SEMA5A: variants seen among roughly 807,000 people sequenced by gnomAD.
SEMA5A encodes semaphorin-5A.
In SEMA5A, 55 loss-of-function variants were observed where a neutral mutation model predicts 135.5. The observed-to-expected ratio is 0.41, with a 90% CI of 0.33 to 0.51. The LOEUF (loss-of-function observed/expected upper bound fraction) is 0.51, where lower values mean the gene tolerates loss of function less well. Ranked by LOEUF, SEMA5A falls within the 20% of genes least tolerant of loss-of-function variation. The pLI, the probability that SEMA5A is intolerant of heterozygous loss-of-function variation, is 0.37. For missense variants in SEMA5A, 1,290 were observed against 1,419.9 expected (o/e 0.91, Z 1.47); for synonymous variants, 580 against 546.5 (o/e 1.06, Z -0.85).
chr5:9,288,377 C>T (rs905926073), intron 5 of SEMA5A, among the ~76,000 whole-genome samples: 2 of 152,300 alleles, frequency 1.3e-5, no homozygotes, highest in African/African-American at 4.8e-5. Context: ...AACCCAGTGG[C>T]AGCCAGTGGT....
intron 2 of SEMA5A, chr5:9,422,567 G>A (rs981452929): frequency 3.3e-5 from 5 of 152,088 alleles, no homozygotes; most frequent in Admixed American, 6.5e-5. Flanking sequence ...AAAGGCTAAC[G>A]GAATGCAGTC....
rs182554959 is a variant in SEMA5A at position 9,403,508 on chromosome 5, G to A, written c.-77-23485C>T. Among the ~76,000 whole-genome samples, 269 of 152,234 alleles carry A rather than the reference G, an allele frequency of 1.8e-3. 1 individual carries two copies. The highest frequency in any genetic ancestry group is 6.2e-3 in the African/African-American group (257 of 41,540). On this transcript the variant is annotated intron_variant, in intron 2 of 22. Coordinates refer to ENST00000382496, the MANE Select transcript of SEMA5A (RefSeq NM_003966.3). Reference sequence around the variant, plus strand: ...TCACCTCACTAACATTCAGCTGCTCGTTACAACACTAGCATATTAATTGTA... The same window carrying A: ...TCACCTCACTAACATTCAGCTGCTCATTACAACACTAGCATATTAATTGTA...
At chr5:9,307,816 G>A (rs1379267100) in intron 5 of SEMA5A, among the ~76,000 whole-genome samples, 2 of 152,120 alleles carry the variant, frequency 1.3e-5, no homozygotes, top group Non-Finnish European at 2.9e-5. Context: ...TTATCTAGCA[G>A]CTTGTGATTG....
intron 3 of SEMA5A, among the ~76,000 whole-genome samples, chr5:9,371,054 C>T (rs1471666939): frequency 6.6e-6 from 1 of 152,104 alleles, no homozygotes; most frequent in African/African-American, 2.4e-5. Context: ...AGTAACTTTA[C>T]AAATCCTTAT....
At chr5:9,220,252 G>C (rs1746860574) in intron 8 of SEMA5A, among the ~76,000 whole-genome samples, 1 of 152,128 alleles carries the variant, frequency 6.6e-6, no homozygotes, top group African/African-American at 2.4e-5. Context: ...ACAGGGTACG[G>C]TGTACACTGT....
At chr5:9,154,091 A>ATGTG (rs1314653012) in intron 12 of SEMA5A, among the ~76,000 whole-genome samples, 886 of 80,054 alleles carry the variant, frequency 0.011, 10 homozygotes, top group African/African-American at 0.014. Flanking sequence ...ATATATATAT[A>ATGTG]TATGTGTGTG....
intron 1 of SEMA5A, chr5:9,517,822 T>C (rs1275974656): frequency 6.6e-6 from 1 of 152,160 alleles, no homozygotes; most frequent in Non-Finnish European, 1.5e-5. Flanking sequence ...TGCTTTCCTG[T>C]AATCATAGTG....
intron 11 of SEMA5A, among the ~76,000 whole-genome samples, chr5:9,163,933 G>C (rs1368415348): frequency 1.3e-5 from 2 of 149,232 alleles, no homozygotes; most frequent in Non-Finnish European, 3.0e-5. Context: ...AAGCTGCTCA[G>C]TCTATGGTAC....
chr5:9,133,537 T>C (rs78672395), intron 13 of SEMA5A, among the ~76,000 whole-genome samples: 1 of 152,188 alleles, frequency 6.6e-6, no homozygotes, highest in Non-Finnish European at 1.5e-5. Flanking sequence ...AAGCAGACCT[T>C]GTAATGAGTG....
chr5:9,437,057 T>G (rs1758058611), intron 2 of SEMA5A, among the ~76,000 whole-genome samples: 1 of 152,114 alleles, frequency 6.6e-6, no homozygotes, highest in Non-Finnish European at 1.5e-5. Flanking sequence ...GGTTTAGGGC[T>G]TACCCAGCAG....
intron 5 of SEMA5A, among the ~76,000 whole-genome samples, chr5:9,283,583 C>T (rs887106497): frequency 2.5e-4 from 38 of 152,184 alleles, no homozygotes; most frequent in African/African-American, 8.9e-4. Context: ...CTTACTCTTA[C>T]CATATAAGGT....
At chr5:9,130,009 G>A (rs142202661) in intron 13 of SEMA5A, among the ~76,000 whole-genome samples, 4 of 152,248 alleles carry the variant, frequency 2.6e-5, no homozygotes, top group Non-Finnish European at 5.9e-5. Context: ...AAAGAAATTA[G>A]CTTCAAGTAA....
intron 21 of SEMA5A, among the ~76,000 whole-genome samples, chr5:9,049,009 C>A (rs925575770): frequency 6.6e-6 from 1 of 152,024 alleles, no homozygotes; most frequent in African/African-American, 2.4e-5. Context: ...TGCGTGGGTG[C>A]CCATCCTAAG....
At chr5:9,308,090 G>C (rs145876979) in intron 5 of SEMA5A, among the ~76,000 whole-genome samples, 292 of 152,284 alleles carry the variant, frequency 1.9e-3, no homozygotes, top group Non-Finnish European at 3.1e-3. Flanking sequence ...ACTAGTGTCT[G>C]TTCGGTCAGA....
intron 2 of SEMA5A, among the ~76,000 whole-genome samples, chr5:9,386,088 T>C (rs114047074): frequency 0.035 from 5,287 of 152,202 alleles, 308 homozygotes; most frequent in African/African-American, 0.12. Context: ...GCATGAGCCA[T>C]CACGCCCAGC....
At chr5:9,395,804 T>C (rs183599521) in intron 2 of SEMA5A, among the ~76,000 whole-genome samples, 45 of 152,340 alleles carry the variant, frequency 3.0e-4, no homozygotes, top group Admixed American at 8.5e-4. Flanking sequence ...TAACATCATA[T>C]GTAGGAGGAA....
chr5:9,520,090 G>A (rs1014338951), intron 1 of SEMA5A: 1 of 152,244 alleles, frequency 6.6e-6, no homozygotes, highest in Non-Finnish European at 1.5e-5. Context: ...CCTCAGGAAG[G>A]CCCCTCACCT....
rs141152617 is a variant in SEMA5A, at chr5:9,273,513, G to A, written c.271-35623C>T. ...ACACCACAAAGATACTCCTCGAAAA[G>A]AGCAACCCCAAGACACATAAATGTC... On this transcript the variant is annotated intron_variant, in intron 5 of 22. Coordinates refer to ENST00000382496, the MANE Select transcript of SEMA5A (RefSeq NM_003966.3). Among the ~76,000 whole-genome samples, 93 of 152,060 alleles carry A rather than the reference G, an allele frequency of 6.1e-4. 2 individuals are homozygous for A. The East Asian group carries it at 0.014, about 22-fold the overall frequency.
At chr5:9,206,145 C>A (rs148525357) in intron 8 of SEMA5A, among the ~76,000 whole-genome samples, 208 of 152,196 alleles carry the variant, frequency 1.4e-3, no homozygotes, top group Non-Finnish European at 2.1e-3. Context: ...GAAGGAAAAT[C>A]AGGTATTTTC....
Sources: allele counts gnomAD v4.1 joint callset (sites outside exome capture counted in the v4.1 genomes callset), GRCh38; gene constraint gnomAD v4.1.1; transcripts MANE v1.5; gene names NCBI Gene and HGNC (gene_info 2026-07-23, HGNC 2026-07-21).